The following MAP4K1 variants were observed in gnomAD, a reference collection of about 807,000 sequenced individuals.
MAP4K1 encodes the protein MAPK/ERK kinase kinase kinase 1.
MAP4K1 carries 35 observed loss-of-function variants against 122.8 expected under a neutral mutation model. The observed-to-expected ratio is 0.29, with a 90% CI of 0.22 to 0.38. The LOEUF (loss-of-function observed/expected upper bound fraction) is 0.38. Among genes scored for constraint, MAP4K1 ranks in the 10% least tolerant of loss-of-function variants. The pLI, the probability that MAP4K1 is intolerant of heterozygous loss-of-function variation, is 1.00. For synonymous variants in MAP4K1, 412 were observed against 421.3 expected, an observed-to-expected ratio of 0.98 and a Z score of 0.27; for missense variants, 791 against 1,072.6, an observed-to-expected ratio of 0.74 and a Z score of 3.67.
At chr19:38,589,744 CAG>C (rs1444108618) in intron 30 of MAP4K1, among the ~76,000 whole-genome samples, 2 of 152,094 alleles carry the variant, frequency 1.3e-5, no homozygotes, top group South Asian at 2.1e-4. Flanking sequence ...CAAAGAAAAA[CAG>C]AGGCTGGGTG....
intron 13 of MAP4K1, among the ~76,000 whole-genome samples, chr19:38,608,821 A>C (rs1000383046): frequency 4.0e-5 from 6 of 148,854 alleles, no homozygotes; most frequent in Non-Finnish European, 7.4e-5. Flanking sequence ...AAAAAAAAAA[A>C]AAAAAAAACA....
chr19:38,605,356 G>A, intron 19 of MAP4K1, 53 bp downstream of exon 19: 4 of 688,558 alleles, frequency 5.8e-6, no homozygotes, highest in Non-Finnish European at 1.0e-5. Flanking sequence ...CACCCCACCA[G>A]GCATCCCCAG....
At chr19:38,595,243 C>T (rs181436231) in intron 29 of MAP4K1, among the ~76,000 whole-genome samples, 5 of 151,918 alleles carry the variant, frequency 3.3e-5, no homozygotes, top group African/African-American at 4.8e-5. Flanking sequence ...GAGCCGGGAT[C>T]GCACCACTGC....
At chr19:38,596,257 T>C (rs1974874682) in intron 26 of MAP4K1, 55 bp downstream of exon 26, 5 of 1,486,136 alleles carry the variant, frequency 3.4e-6, no homozygotes, top group East Asian at 2.4e-5. Flanking sequence ...CGCCTCCAGC[T>C]CCGCCCCTCC....
At chr19:38,610,379 T>A (rs2144735664) in intron 11 of MAP4K1, among the ~76,000 whole-genome samples, 1 of 126,094 alleles carries the variant, frequency 7.9e-6, no homozygotes, top group African/African-American at 3.1e-5. Context: ...CTAATTTTTT[T>A]TTTTTTTTTT....
At position 38,617,478 on chromosome 19, in the gene MAP4K1, C is replaced by G. The variant is rs373598497; in HGVS notation, c.158-34G>C. 2 of 1,600,608 alleles carry G rather than the reference C, an allele frequency of 1.2e-6. No homozygotes were observed. The highest frequency in any genetic ancestry group is 1.7e-6 in the Non-Finnish European group (2 of 1,167,946). ...AGGGCGGGAGAGAAAAGGCAGCTCG[C>G]ATGGGGAGAGAGCTACAGGGGAGGT... is the stretch of plus-strand genomic sequence containing the variant. On this transcript the variant is annotated intron_variant, in intron 2 of 30. Coordinates refer to ENST00000396857, the MANE Select transcript of MAP4K1 (RefSeq NM_001042600.3). This position sits in a 1 kb window ranked among gnomAD's most constrained non-coding sequence, Gnocchi z 4.1.
intron 19 of MAP4K1, among the ~76,000 whole-genome samples, chr19:38,604,128 C>CAAAAAAAAAAA (rs200072842): frequency 1.9e-5 from 1 of 53,514 alleles, no homozygotes; most frequent in African/African-American, 6.1e-5. Context: ...GATACTATCT[C>CAAAAAAAAAAA]AAAAAAAAAA....
At chr19:38,608,828 A>AAAAAAAAAAACAAAC (rs1555811720) in intron 13 of MAP4K1, among the ~76,000 whole-genome samples, 2 of 137,138 alleles carry the variant, frequency 1.5e-5, no homozygotes, top group Non-Finnish European at 3.3e-5. Context: ...AAAAAAAAAA[A>AAAAAAAAAAACAAAC]ACATTAGCCA....
At chr19:38,607,800 G>A in intron 16 of MAP4K1, 64 bp downstream of exon 16, 1 of 1,557,930 alleles carries the variant, frequency 6.4e-7, no homozygotes, top group Non-Finnish European at 8.8e-7. Flanking sequence ...GGCCACATCA[G>A]GGGATTGTAG....
chr19:38,617,375 G>A lies in MAP4K1; in HGVS notation c.227C>T (p.Ala76Val). 6.2e-7 allele frequency: 1 copy of A among 1,613,694 alleles called. No homozygotes were observed. Among genetic ancestry groups the A allele is most frequent in the Non-Finnish European group, 8.5e-7 (1 of 1,179,868 alleles). ...TCACCAGAGATAACTCCCATGGTAG[G>A]CCACGATGTTGGCGTGCCGGCAAGT... ...LKTCRHANIVAYHGSYLWLQK... is the reference protein window; with the variant it reads ...LKTCRHANIVVYHGSYLWLQK... The change falls in exon 3 of 31, where the codon GCC becomes GTC. Residue 76 changes from alanine to valine, a missense_variant. Coordinates refer to ENST00000396857, the MANE Select transcript of MAP4K1 (RefSeq NM_001042600.3). This position sits in a 1 kb window ranked among gnomAD's most constrained non-coding sequence, Gnocchi z 4.1.
At chr19:38,611,169 C>G (rs191432975) in intron 10 of MAP4K1, 37 bp from the exon 11 acceptor site, 1 of 1,603,570 alleles carries the variant, frequency 6.2e-7, no homozygotes, top group East Asian at 2.2e-5. Context: ...ATGAGGGGAC[C>G]AGAAACCCTC....
In MAP4K1 at chr19:38,595,629, C is replaced by G. The variant is rs1388772524; in HGVS notation, c.2269+11G>C. On this transcript the variant is annotated intron_variant, in intron 28 of 30. Transcript: ENST00000396857. Reference sequence around the variant, plus strand: ...ACCCCTGATCCTGGGCTCTCCCGTCCCTGCACAGACCCACGGCCTCCACCG... The same window carrying G: ...ACCCCTGATCCTGGGCTCTCCCGTCGCTGCACAGACCCACGGCCTCCACCG... 1 of 1,613,746 alleles carries G rather than the reference C, an allele frequency of 6.2e-7. No homozygotes were observed.
At chr19:38,606,276 G>A in intron 16 of MAP4K1, 61 bp from the exon 17 acceptor site, 1 of 828,522 alleles carries the variant, frequency 1.2e-6, no homozygotes, top group South Asian at 1.7e-5. Context: ...CGGGGAAGAT[G>A]GCATGGTTCT....
chr19:38,610,557 T>A (rs1975468161), intron 11 of MAP4K1, among the ~76,000 whole-genome samples: 1 of 151,944 alleles, frequency 6.6e-6, no homozygotes, highest in Admixed American at 6.6e-5. Context: ...AGCTAATTTT[T>A]GTATTTTTAG....
At chr19:38,601,196 G>A (rs1198287305) in intron 20 of MAP4K1, among the ~76,000 whole-genome samples, 7 of 151,960 alleles carry the variant, frequency 4.6e-5, no homozygotes, top group Non-Finnish European at 1.0e-4. Context: ...TGATTCACCC[G>A]CCTCAGCCTC....
chr19:38,593,359 C>T (rs766694148), intron 29 of MAP4K1, 22 bp from the exon 30 acceptor site: 3 of 1,596,868 alleles, frequency 1.9e-6, no homozygotes, highest in South Asian at 1.1e-5. Context: ...AAGTGTGTGT[C>T]TCAGTGCCTG....
chr19:38,617,074 C>T lies in MAP4K1; in HGVS notation c.248+280G>A, dbSNP rs1975667535. On this transcript the variant is annotated intron_variant, in intron 3 of 30. Transcript: ENST00000396857. This position sits in a 1 kb window ranked among gnomAD's most constrained non-coding sequence, Gnocchi z 4.1. ...CAGCCTGGCCAAGATGGTGAAACCC[C>T]ATCTCTACTAAAAATACAAAAATTT... Among the ~76,000 whole-genome samples, 1 of 151,892 alleles carries T rather than the reference C, an allele frequency of 6.6e-6. No homozygotes were observed. Among genetic ancestry groups the T allele is most frequent in the Admixed American group, 6.6e-5 (1 of 15,232 alleles).
At chr19:38,603,085 TGTACATATATACACATG>T (rs1364124175) in intron 19 of MAP4K1, among the ~76,000 whole-genome samples, 1 of 122,864 alleles carries the variant, frequency 8.1e-6, no homozygotes, top group Non-Finnish European at 1.8e-5. Flanking sequence ...TATATACACA[TGTACATATATACACATG>T]TACATATATA....
chr19:38,596,223 AG>A, intron 26 of MAP4K1, 88 bp downstream of exon 26: 1 of 1,457,142 alleles, frequency 6.9e-7, no homozygotes, highest in Non-Finnish European at 9.1e-7. Flanking sequence ...TCAGTCCCGT[AG>A]TGCCTCAGGC....
Sources: gnomAD v4.1 joint callset for allele counts (sites outside exome capture counted in the v4.1 genomes callset) on GRCh38, gnomAD v4.1.1 for gene constraint, Gnocchi (gnomAD v3.1) non-coding constraint, MANE v1.5 for transcripts, NCBI Gene and HGNC (gene_info 2026-07-23, HGNC 2026-07-21) for gene names.